ASB3: variants seen among roughly 807,000 people sequenced by gnomAD.
ASB3 encodes ankyrin repeat and SOCS box protein 3.
Under a neutral mutation model 54.5 loss-of-function variants are expected in ASB3, and 41 were observed. The ratio of observed to expected loss-of-function variants is 0.75; its 90% confidence interval spans 0.59 to 0.98. The LOEUF is 0.98. ASB3 is among the 50% of genes least tolerant of loss of function. ASB3 has a pLI of 0.00. For missense variants in ASB3, 733 were observed against 620.0 expected (o/e 1.18, Z -1.94); for synonymous variants, 266 against 221.2 (o/e 1.20, Z -1.80).
At chr2:53,724,184 C>T (rs146112669) in intron 5 of ASB3, among the ~76,000 whole-genome samples, 7 of 152,284 alleles carry the variant, frequency 4.6e-5, no homozygotes, top group African/African-American at 1.4e-4. Flanking sequence ...AAAATATTTG[C>T]TAACTAGGTA....
chr2:53,673,893 T>C (rs1180973276), intron 9 of ASB3, among the ~76,000 whole-genome samples: 1 of 152,238 alleles, frequency 6.6e-6, no homozygotes, highest in South Asian at 2.1e-4. Flanking sequence ...GTAAGAACTA[T>C]GTTCAGCTGA....
rs576744213 is a variant in ASB3, at chr2:53,709,109, C to G, written c.980+5275G>C. Among the ~76,000 whole-genome samples the G allele has an allele frequency of 3.3e-5, 5 of 152,330 alleles. No individual in the cohort carries two copies. In the East Asian group the frequency reaches 9.7e-4, roughly 29 times the overall value. ...AAGGCCTCAAAGGCATTTCAGAGACCTTCCCAGCAGCCTTACCCATCACAG... is the reference window on the plus strand; with the variant it reads ...AAGGCCTCAAAGGCATTTCAGAGACGTTCCCAGCAGCCTTACCCATCACAG... On this transcript the variant is annotated intron_variant, in intron 7 of 9. Coordinates refer to ENST00000263634, the MANE Select transcript of ASB3 (RefSeq NM_016115.5).
chr2:53,767,685 T>C (rs1673566506), intron 1 of ASB3: 2 of 619,334 alleles, frequency 3.2e-6, no homozygotes, highest in Admixed American at 3.0e-5. Context: ...CTTGACACCC[T>C]AATCAAGGAA....
chr2:53,732,125 A>G (rs542759694), intron 3 of ASB3, among the ~76,000 whole-genome samples: 1 of 149,644 alleles, frequency 6.7e-6, no homozygotes, highest in Non-Finnish European at 1.5e-5. Context: ...TGTCTGGCTA[A>G]TTTTTGTATT....
intron 8 of ASB3, among the ~76,000 whole-genome samples, chr2:53,698,354 C>T (rs141803912): frequency 7.2e-5 from 11 of 152,300 alleles, no homozygotes; most frequent in Non-Finnish European, 1.5e-4. Flanking sequence ...GGTTGCTAGT[C>T]ACAACGTTGG....
intron 1 of ASB3, among the ~76,000 whole-genome samples, chr2:53,770,739 C>T (rs1673845033): frequency 1.3e-5 from 2 of 152,148 alleles, no homozygotes; most frequent in South Asian, 4.1e-4. Flanking sequence ...GTTAACTGAC[C>T]TGTGTTAAAA....
intron 9 of ASB3, among the ~76,000 whole-genome samples, chr2:53,687,349 G>C (rs987723720): frequency 6.6e-6 from 1 of 152,188 alleles, no homozygotes; most frequent in African/African-American, 2.4e-5. Flanking sequence ...GCACGAATCT[G>C]CTAAACTTGT....
At chr2:53,708,879 C>A (rs1456572720) in intron 7 of ASB3, among the ~76,000 whole-genome samples, 1 of 152,168 alleles carries the variant, frequency 6.6e-6, no homozygotes, top group Non-Finnish European at 1.5e-5. Context: ...AGCCTATGCT[C>A]ATATGCATGA....
intron 1 of ASB3, chr2:53,771,933 A>AG: frequency 1.9e-6 from 3 of 1,560,934 alleles, no homozygotes; most frequent in Non-Finnish European, 2.6e-6. Flanking sequence ...CTCTTGTTGA[A>AG]GATCCTGCGG....
At chr2:53,764,993 G>A (rs1298300799) in intron 2 of ASB3, among the ~76,000 whole-genome samples, 1 of 152,154 alleles carries the variant, frequency 6.6e-6, no homozygotes, top group Non-Finnish European at 1.5e-5. Flanking sequence ...TGTTTAAAAA[G>A]AAAAAGACTA....
At chr2:53,748,507 T>C (rs1310776923) in intron 3 of ASB3, 1 of 152,172 alleles carries the variant, frequency 6.6e-6, no homozygotes, top group African/African-American at 2.4e-5. Context: ...TAAAATACTT[T>C]TCGCATATTC....
At chr2:53,781,408 T>C (rs1674638704) in intron 1 of ASB3, among the ~76,000 whole-genome samples, 1 of 146,484 alleles carries the variant, frequency 6.8e-6, no homozygotes, top group Admixed American at 6.8e-5. Context: ...TGAGACTCTG[T>C]CTCCAAAAAA....
In ASB3 at chr2:53,731,183, C is replaced by T. The variant is rs111970615; in HGVS notation, c.356-1613G>A. Among the ~76,000 whole-genome samples, 1,489 of 152,234 alleles carry T rather than the reference C, an allele frequency of 9.8e-3. 9 individuals are homozygous for T. The highest frequency in any genetic ancestry group is 0.014 in the Admixed American group (210 of 15,286). ...TTGGGAGGCTAAGGCGGGTGGACCA[C>T]GAGTTCAGGAGATCGAGACCATCCT... On this transcript the variant is annotated intron_variant, in intron 3 of 9. Transcript: ENST00000263634.
intron 3 of ASB3, among the ~76,000 whole-genome samples, chr2:53,750,142 C>G (rs1326652620): frequency 6.6e-6 from 1 of 152,016 alleles, no homozygotes; most frequent in Non-Finnish European, 1.5e-5. Context: ...GATTCTATTC[C>G]AAACGCTTCA....
chr2:53,704,640 T>C (rs926997939), intron 7 of ASB3, among the ~76,000 whole-genome samples: 8 of 152,292 alleles, frequency 5.3e-5, no homozygotes, highest in South Asian at 2.1e-4. Context: ...TCTTGCTTAA[T>C]TGGAAAAGCT....
intron 5 of ASB3, among the ~76,000 whole-genome samples, chr2:53,728,319 C>T (rs1390379716): frequency 2.6e-5 from 4 of 152,078 alleles, no homozygotes; most frequent in Non-Finnish European, 5.9e-5. Flanking sequence ...TTTACATAAT[C>T]ACAAAATTAA....
chr2:53,785,312 T>G (rs1674887041), intron 1 of ASB3, among the ~76,000 whole-genome samples: 1 of 152,204 alleles, frequency 6.6e-6, no homozygotes, highest in African/African-American at 2.4e-5. Context: ...TGAACACAGA[T>G]TCAATCACTA....
Position 53,722,805 on chromosome 2 carries a change from C to T in ASB3, c.604+5907G>A, listed in dbSNP as rs181431831. On this transcript the variant is annotated intron_variant, in intron 5 of 9. Transcript: ENST00000263634. Reference sequence around the variant, plus strand: ...AAGACAAGGATACCCACTCTTACCACTCCTATTCAACATAGTACTGAAAGT... The same window carrying T: ...AAGACAAGGATACCCACTCTTACCATTCCTATTCAACATAGTACTGAAAGT... 4.3e-3 allele frequency among the ~76,000 whole-genome samples: 650 copies of T among 152,270 alleles called. 2 individuals carry two copies. Among genetic ancestry groups the T allele is most frequent in the Admixed American group, 7.7e-3 (118 of 15,292 alleles).
chr2:53,731,719 C>G (rs1671327894), intron 3 of ASB3, among the ~76,000 whole-genome samples: 1 of 152,118 alleles, frequency 6.6e-6, no homozygotes, highest in Non-Finnish European at 1.5e-5. Flanking sequence ...ATGGCGTGAT[C>G]TCAGCTCACT....
Sources: allele counts gnomAD v4.1 joint callset (sites outside exome capture counted in the v4.1 genomes callset), GRCh38; gene constraint gnomAD v4.1.1; transcripts MANE v1.5; gene names NCBI Gene and HGNC (gene_info 2026-07-23, HGNC 2026-07-21).